ANXA10: variants seen among roughly 807,000 people sequenced by gnomAD.
ANXA10 encodes the protein annexin 14.
A neutral mutation model predicts 53.5 loss-of-function variants in ANXA10; 49 were observed. That is an observed-to-expected ratio of 0.92 (90% CI 0.73 to 1.16). The LOEUF (loss-of-function observed/expected upper bound fraction) is 1.16, where lower values mean the gene tolerates loss of function less well. Among genes scored for constraint, ANXA10 ranks in the 50% most tolerant of loss-of-function variants. The pLI, the probability that ANXA10 is intolerant of heterozygous loss-of-function variation, is 0.00. For missense variants in ANXA10, 393 were observed against 394.4 expected (o/e 1.00, Z 0.03); for synonymous variants, 131 against 128.9 (o/e 1.02, Z -0.11).
chr4:168,101,549 T>C (rs954710228), intron 1 of ANXA10, among the ~76,000 whole-genome samples: 3 of 151,904 alleles, frequency 2.0e-5, no homozygotes, highest in Admixed American at 6.6e-5. Flanking sequence ...AGCTACAAGA[T>C]GCATTAATCT....
intron 3 of ANXA10, among the ~76,000 whole-genome samples, chr4:168,141,273 AC>A (rs1731321055): frequency 6.6e-6 from 1 of 152,130 alleles, no homozygotes; most frequent in Non-Finnish European, 1.5e-5. Flanking sequence ...CCTCTGAAAT[AC>A]CCTTGTCATT....
intron 3 of ANXA10, among the ~76,000 whole-genome samples, chr4:168,158,373 T>C (rs1383384101): frequency 6.6e-6 from 1 of 152,198 alleles, no homozygotes; most frequent in African/African-American, 2.4e-5. Flanking sequence ...ACAACTGTGG[T>C]TCTCTTTTAC....
At chr4:168,101,628 T>C (rs1579199135) in intron 1 of ANXA10, among the ~76,000 whole-genome samples, 1 of 152,140 alleles carries the variant, frequency 6.6e-6, no homozygotes, top group Non-Finnish European at 1.5e-5. Flanking sequence ...ATTCCTTCCA[T>C]TGAAGACCGA....
At chr4:168,183,253 A>AT in intron 10 of ANXA10, among the ~76,000 whole-genome samples, 1 of 152,258 alleles carries the variant, frequency 6.6e-6, no homozygotes. Context: ...TCTGCAGTGT[A>AT]TTTTCTCATT....
In ANXA10 at chr4:168,116,996, G is replaced by GACACACAC. The variant is rs9312272; in HGVS notation, c.19-11081_19-11074dup. 1.6e-3 allele frequency among the ~76,000 whole-genome samples: 238 copies of GACACACAC among 151,124 alleles called. 3 individuals carry two copies. Among genetic ancestry groups the GACACACAC allele is most frequent in the African/African-American group, 5.1e-3 (211 of 41,240 alleles). ...ATATCATCAGCAAATTTTTCACACA[G>GACACACAC]ACACACACACACACTATGTGGTGTT... On this transcript the variant is annotated intron_variant, in intron 1 of 11. Coordinates refer to ENST00000359299, the MANE Select transcript of ANXA10 (RefSeq NM_007193.5).
intron 1 of ANXA10, among the ~76,000 whole-genome samples, chr4:168,115,986 G>A (rs1730886538): frequency 6.6e-6 from 1 of 152,088 alleles, no homozygotes. Context: ...CATTCTCTGA[G>A]CTCGCATTAC....
chr4:168,101,049 A>G (rs1730630507), intron 1 of ANXA10, among the ~76,000 whole-genome samples: 1 of 151,898 alleles, frequency 6.6e-6, no homozygotes, highest in African/African-American at 2.4e-5. Flanking sequence ...CCCGGTATTG[A>G]AGGTGGGGCC....
intron 1 of ANXA10, among the ~76,000 whole-genome samples, chr4:168,103,517 T>C (rs1730673082): frequency 6.6e-6 from 1 of 151,958 alleles, no homozygotes; most frequent in African/African-American, 2.4e-5. Context: ...GAGCTATACT[T>C]CAATATTGTT....
At chr4:168,138,294 G>A (rs1180605527) in intron 2 of ANXA10, among the ~76,000 whole-genome samples, 2 of 151,942 alleles carry the variant, frequency 1.3e-5, no homozygotes, top group Non-Finnish European at 2.9e-5. Context: ...TCTGACTGAC[G>A]TAAGATGGTA....
chr4:168,116,844 A>C (rs1276975701), intron 1 of ANXA10, among the ~76,000 whole-genome samples: 1 of 152,118 alleles, frequency 6.6e-6, no homozygotes, highest in African/African-American at 2.4e-5. Context: ...CTCATTTTTT[A>C]AATCCATGTT....
intron 10 of ANXA10, among the ~76,000 whole-genome samples, chr4:168,182,311 A>G (rs1732264502): frequency 2.0e-5 from 2 of 98,016 alleles, no homozygotes; most frequent in African/African-American, 4.9e-5. Flanking sequence ...CATACTTTGG[A>G]GCATTAATTT....
chr4:168,095,316 C>A (rs1730524260), intron 1 of ANXA10, among the ~76,000 whole-genome samples: 1 of 151,890 alleles, frequency 6.6e-6, no homozygotes, highest in South Asian at 2.1e-4. Flanking sequence ...TTAGATGATA[C>A]CCTTCCTTTT....
chr4:168,131,459 G>A (rs1304572004), intron 2 of ANXA10, among the ~76,000 whole-genome samples: 2 of 152,010 alleles, frequency 1.3e-5, no homozygotes, highest in Admixed American at 1.3e-4. Context: ...GTGGCAATAA[G>A]CATTCTATAG....
chr4:168,115,612 C>T (rs1395825522), intron 1 of ANXA10, among the ~76,000 whole-genome samples: 1 of 151,302 alleles, frequency 6.6e-6, no homozygotes, highest in African/African-American at 2.4e-5. Flanking sequence ...CTTGTAGGGT[C>T]CTTTGAAAAT....
chr4:168,097,686 T>C (rs983355295), intron 1 of ANXA10, among the ~76,000 whole-genome samples: 12 of 152,122 alleles, frequency 7.9e-5, no homozygotes, highest in African/African-American at 2.7e-4. Flanking sequence ...AGTGGCTTCC[T>C]ACCTGGTGTC....
At chr4:168,156,207 T>A (rs1271305783) in intron 3 of ANXA10, among the ~76,000 whole-genome samples, 1 of 12,394 alleles carries the variant, frequency 8.1e-5, no homozygotes, top group African/African-American at 4.1e-4. Context: ...TAATATATAT[T>A]ATATTATATG....
Position 168,156,799 on chromosome 4 carries a change from G to A in ANXA10, c.196-5729G>A, listed in dbSNP as rs140608619. Among the ~76,000 whole-genome samples, 599 of 151,992 alleles carry A rather than the reference G, an allele frequency of 3.9e-3. 13 individuals carry two copies. Among genetic ancestry groups the A allele is most frequent in the Admixed American group, 0.029 (449 of 15,240 alleles). On this transcript the variant is annotated intron_variant, in intron 3 of 11. Transcript: ENST00000359299. Reference sequence around the variant, plus strand: ...GTTACAGGCATGAGCAACCATGCCCGGCCCCTATTTCTTGTTTTTATCCAT... The same window carrying A: ...GTTACAGGCATGAGCAACCATGCCCAGCCCCTATTTCTTGTTTTTATCCAT...
chr4:168,173,221 G>A (rs906081717), intron 6 of ANXA10, among the ~76,000 whole-genome samples: 1 of 152,176 alleles, frequency 6.6e-6, no homozygotes, highest in African/African-American at 2.4e-5. Flanking sequence ...TATAGCTAGA[G>A]AAAAATGTAA....
At chr4:168,165,959 G>A (rs967748431) in intron 6 of ANXA10, among the ~76,000 whole-genome samples, 1 of 152,214 alleles carries the variant, frequency 6.6e-6, no homozygotes, top group Non-Finnish European at 1.5e-5. Context: ...TTACAGGCGT[G>A]AGCCACCATG....
Sources: gnomAD v4.1 joint callset for allele counts (sites outside exome capture counted in the v4.1 genomes callset) on GRCh38, gnomAD v4.1.1 for gene constraint, MANE v1.5 for transcripts, NCBI Gene and HGNC (gene_info 2026-07-23, HGNC 2026-07-21) for gene names.